Variants in LHX6 observed in about 807,000 individuals in gnomAD.
LHX6 encodes the protein LIM/homeobox protein Lhx6.
A neutral mutation model predicts 47.1 loss-of-function variants in LHX6; 15 were observed. That is an observed-to-expected ratio of 0.32 (90% confidence interval 0.21 to 0.49). LHX6 has a LOEUF of 0.49. LHX6 is among the 20% of genes least tolerant of loss of function. The pLI is 0.99. For missense variants in LHX6, 404 were observed against 539.6 expected, an observed-to-expected ratio of 0.75 and a Z score of 2.49; for synonymous variants, 242 against 233.5, an observed-to-expected ratio of 1.04 and a Z score of -0.33.
chr9:122,227,949 T>TCCGGGGGGCCCC, intron 1 of LHX6: 1 of 176,980 alleles, frequency 5.7e-6, no homozygotes, highest in Non-Finnish European at 1.2e-5. Context: ...TTTTTCTCTC[T>TCCGGGGGGCCCC]CCACCCGCCC....
Position 122,213,905 on chromosome 9 carries a change from C to T in LHX6, c.879+69G>A, listed in dbSNP as rs752439267. 5 of 1,534,190 alleles carry T rather than the reference C, an allele frequency of 3.3e-6. No individual in the cohort carries two copies. In the Admixed American group the frequency reaches 5.3e-5, roughly 16 times the overall value. ...ATGGCCACGTGCACGCACCACCCTC[C>T]GCGCCGAGCCCAGCTACGAGCTCCG... On this transcript the variant is annotated intron_variant, in intron 7 of 9. Transcript: ENST00000394319. This position sits in a 1 kb window ranked among gnomAD's most constrained non-coding sequence, Gnocchi z 5.5.
chr9:122,214,486 G>T lies in LHX6; in HGVS notation c.683-103C>A, dbSNP rs986660608. The T allele has an allele frequency of 3.6e-6, 5 of 1,392,040 alleles. No homozygotes were observed. The highest frequency in any genetic ancestry group is 4.6e-6 in the Non-Finnish European group (5 of 1,077,078). The allele number at this position is 1,392,040 out of a possible 1,614,324, so 86.2% of individuals were successfully genotyped here. A position where few individuals can be genotyped will look rare whatever the true frequency, so the allele number is the denominator to read the frequency against. ...GCTTGTCCCTGGAAGGGTCAGGAGCGGGAGTTGGCTGGGAGCAGGGATCCC... is the reference window on the plus strand; with the variant it reads ...GCTTGTCCCTGGAAGGGTCAGGAGCTGGAGTTGGCTGGGAGCAGGGATCCC... On this transcript the variant is annotated intron_variant, in intron 5 of 9. Coordinates refer to ENST00000394319, the MANE Select transcript of LHX6 (RefSeq NM_014368.5). This position sits in a 1 kb window ranked among gnomAD's most constrained non-coding sequence, Gnocchi z 4.6.
At chr9:122,207,707 C>T (rs999885235) in intron 9 of LHX6, among the ~76,000 whole-genome samples, 6 of 152,066 alleles carry the variant, frequency 3.9e-5, no homozygotes, top group South Asian at 2.1e-4. Flanking sequence ...CTGTGGTGCC[C>T]GGCACAGAGA....
chr9:122,226,432 C>T lies in LHX6; in HGVS notation c.405G>A (p.Gln135=), dbSNP rs1299612742. 6.2e-7 allele frequency: 1 copy of T among 1,613,628 alleles called. No homozygotes were observed. The highest frequency in any genetic ancestry group is 2.2e-5 in the East Asian group (1 of 44,882). Residue 135 remains glutamine (Q), a synonymous_variant, in exon 4 of 10, where the codon CAG becomes CAA. Coordinates refer to ENST00000394319, the MANE Select transcript of LHX6 (RefSeq NM_014368.5). This position sits in a 1 kb window ranked among gnomAD's most constrained non-coding sequence, Gnocchi z 6.5. ...TGTTCTTGATGTAGCAGCTGTTCTG[C>T]TGCCTCAGCGACGTGCGACACACGG... ...ECSVCRTSLR[Q]QNSCYIKNKE...
At chr9:122,228,115 C>A (rs1831187243) in intron 1 of LHX6, 2 of 586,922 alleles carry the variant, frequency 3.4e-6, no homozygotes, top group Non-Finnish European at 5.8e-6. Flanking sequence ...CCCGCCCGCC[C>A]GCCCGCCTGA....
intron 5 of LHX6, among the ~76,000 whole-genome samples, chr9:122,215,257 A>C (rs1830553081): frequency 6.6e-6 from 1 of 152,254 alleles, no homozygotes; most frequent in Non-Finnish European, 1.5e-5. Flanking sequence ...TGTAACATAC[A>C]TGGAAAAAAA....
Position 122,214,148 on chromosome 9 carries a change from A to AGGCCACGCCCCAGGCAGCTGC in LHX6, c.784-100_784-80dup. 6.8e-7 allele frequency: 1 copy of AGGCCACGCCCCAGGCAGCTGC among 1,460,976 alleles called. No individual in the cohort carries two copies. The highest frequency in any genetic ancestry group is 9.3e-7 in the Non-Finnish European group (1 of 1,080,786). 90.5% of individuals were successfully genotyped at this position (1,460,976 alleles called of 1,614,324 possible). ...GGCCCAATCAGCGGCGCCAGTCCAC[A>AGGCCACGCCCCAGGCAGCTGC]GGCCACGCCCCAGGCAGCTGCGGCC... On this transcript the variant is annotated intron_variant, in intron 6 of 9. Transcript: ENST00000394319. The surrounding 1 kb of genome is among the most constrained non-coding windows in gnomAD (Gnocchi z 4.6).
intron 4 of LHX6, among the ~76,000 whole-genome samples, chr9:122,222,764 A>G (rs918817999): frequency 1.3e-5 from 2 of 152,236 alleles, no homozygotes; most frequent in African/African-American, 4.8e-5. Context: ...GGTGGGGGAT[A>G]GAACCTAGGT....
chr9:122,204,485 T>A lies in LHX6; in HGVS notation c.*275A>T. On this transcript the variant is annotated 3_prime_UTR_variant, in exon 10 of 10. Transcript: ENST00000394319. ...AGCTGAAGTTGAAGAGGACTCCTGT[T>A]TAAATGGGAAAAACAGGCTGTTTCC... 2 of 413,494 alleles carry A rather than the reference T, an allele frequency of 4.8e-6. No individual in the cohort carries two copies. Among genetic ancestry groups the A allele is most frequent in the Non-Finnish European group, 8.5e-6 (2 of 234,308 alleles). The allele number at this position is 413,494 out of a possible 1,614,324, so 25.6% of individuals were successfully genotyped here.
At chr9:122,221,835 C>G (rs1165889184) in intron 4 of LHX6, 3 of 466,188 alleles carry the variant, frequency 6.4e-6, no homozygotes, top group Non-Finnish European at 5.6e-6. Flanking sequence ...GCTGATATAT[C>G]TCACCTATAG....
chr9:122,209,832 C>T, intron 8 of LHX6, 115 bp from the exon 9 acceptor site: 1 of 602,734 alleles, frequency 1.7e-6, no homozygotes, highest in African/African-American at 1.9e-5. Flanking sequence ...TGCCACTTAC[C>T]TCCTGGGTAG....
Position 122,226,981 on chromosome 9 carries a change from C to T in LHX6, c.206G>A (p.Gly69Asp). The change falls in exon 3 of 10, where the codon GGT (glycine) becomes GAT (aspartate). Residue 69 changes from glycine (G) to aspartate (D), a missense_variant. Gly to Asp is a moderately conservative substitution (Grantham distance 94, BLOSUM62 -1). Around this residue, in one of 7 missense-constraint regions of LHX6, gnomAD observed 144 missense variants for 128.7 expected, o/e 1.12. Transcript: ENST00000394319. This position sits in a 1 kb window ranked among gnomAD's most constrained non-coding sequence, Gnocchi z 6.5. ...ALAGALDKDE[G>D]QASPCTPSTP... is the part of the protein sequence containing the mutation. Reference sequence around the variant, plus strand: ...GCTGGGCGTACATGGGGAGGCCTGACCCTCGTCCTTGTCCAGAGCTCCTGC... The same window carrying T: ...GCTGGGCGTACATGGGGAGGCCTGATCCTCGTCCTTGTCCAGAGCTCCTGC... The T allele has an allele frequency of 6.5e-7, 1 of 1,544,414 alleles. No individual in the cohort carries two copies. Among genetic ancestry groups the T allele is most frequent in the Non-Finnish European group, 8.7e-7 (1 of 1,144,096 alleles).
chr9:122,226,797 G>T lies in LHX6; in HGVS notation c.339+51C>A. ...GCGGTGCTTCCCTGCAGTCTCCTGC[G>T]CTGCGTCCCACGCCCCGACAACACG... On this transcript the variant is annotated intron_variant, in intron 3 of 9. Transcript: ENST00000394319. This position sits in a 1 kb window ranked among gnomAD's most constrained non-coding sequence, Gnocchi z 6.5. 2.0e-6 allele frequency: 3 copies of T among 1,528,784 alleles called. No individual in the cohort carries two copies. The highest frequency in any genetic ancestry group is 2.6e-6 in the Non-Finnish European group (3 of 1,132,850). The allele number at this position is 1,528,784 out of a possible 1,614,324, so 94.7% of individuals were successfully genotyped here.
intron 5 of LHX6, among the ~76,000 whole-genome samples, chr9:122,215,734 C>A (rs560285323): frequency 6.6e-6 from 1 of 152,298 alleles, no homozygotes; most frequent in South Asian, 2.1e-4. Context: ...CCCCCTTAGA[C>A]CCACTTAGTC....
Position 122,227,499 on chromosome 9 carries a change from G to GGGGGGGGGC in LHX6, c.85-20_85-19insGCCCCCCCC. On this transcript the variant is annotated intron_variant, in intron 1 of 9. Transcript: ENST00000394319. Reference sequence around the variant, plus strand: ...CCATCACCTGGGGGAGGGGGGGAGGGAACGCAGGCGGCGGCGGCTGCTGAA... The same window carrying GGGGGGGGGC: ...CCATCACCTGGGGGAGGGGGGGAGGGGGGGGGGGCAACGCAGGCGGCGGCGGCTGCTGAA... 2 of 656,306 alleles carry GGGGGGGGGC rather than the reference G, an allele frequency of 3.0e-6. No homozygotes were observed. The highest frequency in any genetic ancestry group is 5.0e-6 in the Non-Finnish European group (2 of 401,610). The allele number at this position is 656,306 out of a possible 1,614,324, so 40.7% of individuals were successfully genotyped here.
chr9:122,217,063 G>T lies in LHX6; in HGVS notation c.682+5C>A. The stretch of plus-strand genomic sequence containing the variant: ...CAGAGGTGCCAGGCGGAGCAGGTTG[G>T]GTACCGTTCTCGGCGGCCCTCTTGA... On this transcript the variant is annotated splice_donor_5th_base_variant and intron_variant, in intron 5 of 9. Coordinates refer to ENST00000394319, the MANE Select transcript of LHX6 (RefSeq NM_014368.5). The surrounding 1 kb of genome is among the most constrained non-coding windows in gnomAD (Gnocchi z 4.9). 6.2e-7 allele frequency: 1 copy of T among 1,613,298 alleles called. No individual in the cohort carries two copies. Among genetic ancestry groups the T allele is most frequent in the South Asian group, 1.1e-5 (1 of 91,052 alleles).
intron 4 of LHX6, among the ~76,000 whole-genome samples, chr9:122,218,946 T>A (rs1442211006): frequency 6.6e-6 from 1 of 152,150 alleles, no homozygotes; most frequent in Non-Finnish European, 1.5e-5. Flanking sequence ...ATGTTTCGTT[T>A]CTGGCTCTTC....
rs34355404 is a variant in LHX6, at chr9:122,208,834, TAAA to T, written c.1158+777_1158+779del. ...TGGGCGATAAGAGTGAAACTCTGTC[TAAA>T]AAAAAAAAAAAAAAAAAAAAGCAAG... On this transcript the variant is annotated intron_variant, in intron 9 of 9. Transcript: ENST00000394319. Among the ~76,000 whole-genome samples, 1,059 of 117,268 alleles carry T rather than the reference TAAA, an allele frequency of 9.0e-3. 10 individuals carry two copies. Among genetic ancestry groups the T allele is most frequent in the African/African-American group, 0.031 (961 of 30,892 alleles). The allele number at this position is 117,268 out of a possible 152,430, so 76.9% of individuals were successfully genotyped here.
At chr9:122,222,086 C>T (rs1027895500) in intron 4 of LHX6, among the ~76,000 whole-genome samples, 5 of 152,204 alleles carry the variant, frequency 3.3e-5, no homozygotes, top group Non-Finnish European at 5.9e-5. Flanking sequence ...GAACTCCATA[C>T]GTTATGATGA....
Sources: allele counts gnomAD v4.1 joint callset (sites outside exome capture counted in the v4.1 genomes callset), GRCh38; gene constraint gnomAD v4.1.1; regional missense constraint gnomAD v4.1.1; non-coding constraint Gnocchi (gnomAD v3.1); transcripts MANE v1.5; gene names NCBI Gene and HGNC (gene_info 2026-07-23, HGNC 2026-07-21).